Variants in ATP6V0E1 observed in about 807,000 individuals in gnomAD.
ATP6V0E1 encodes ATPase H+ transporting V0 subunit e1.
A neutral mutation model predicts 11.6 loss-of-function variants in ATP6V0E1; 4 were observed. That is an observed-to-expected ratio of 0.35 (90% CI 0.17 to 0.79). The LOEUF (loss-of-function observed/expected upper bound fraction) is 0.79, where lower values mean the gene tolerates loss of function less well. ATP6V0E1 is among the 30% of genes least tolerant of loss of function. The probability of loss-of-function intolerance (pLI) is 0.54; values close to 1 mark genes in which losing one functional copy is unlikely to be tolerated. For synonymous variants in ATP6V0E1, 36 were observed against 34.8 expected, an observed-to-expected ratio of 1.04 and a Z score of -0.13; for missense variants, 105 against 100.0, an observed-to-expected ratio of 1.05 and a Z score of -0.21.
At chr5:173,034,204 C>T (rs942995516) in intron 3 of ATP6V0E1, among the ~76,000 whole-genome samples, 195 bp from the exon 4 acceptor site, 14 of 152,204 alleles carry the variant, frequency 9.2e-5, no homozygotes, top group South Asian at 2.1e-4. Context: ...CAGCAGTGTC[C>T]TTGGTTACTG....
chr5:172,993,795 G>T (rs1430348521), intron 1 of ATP6V0E1, among the ~76,000 whole-genome samples: 1 of 150,946 alleles, frequency 6.6e-6, no homozygotes, highest in African/African-American at 2.4e-5. Flanking sequence ...CAGTTGAGCC[G>T]AGGAGTTGGA....
At chr5:172,998,815 G>A (rs1395779071) in intron 2 of ATP6V0E1, among the ~76,000 whole-genome samples, 1 of 152,066 alleles carries the variant, frequency 6.6e-6, no homozygotes, top group Non-Finnish European at 1.5e-5. Flanking sequence ...TCTGCAATGT[G>A]AGCAGTAAGG....
intron 1 of ATP6V0E1, among the ~76,000 whole-genome samples, chr5:172,992,975 T>C (rs766279468): frequency 3.3e-5 from 5 of 151,958 alleles, no homozygotes; most frequent in Non-Finnish European, 5.9e-5. Context: ...TTTTTTTGTA[T>C]TTTTAGTAGA....
chr5:173,001,379 G>C (rs547780825), intron 2 of ATP6V0E1, among the ~76,000 whole-genome samples: 1 of 152,202 alleles, frequency 6.6e-6, no homozygotes, highest in South Asian at 2.1e-4. Flanking sequence ...TATGACCTCA[G>C]AAGATTCCCC....
At chr5:172,995,501 A>G (rs1038520202) in intron 2 of ATP6V0E1, among the ~76,000 whole-genome samples, 23 of 152,228 alleles carry the variant, frequency 1.5e-4, no homozygotes, top group African/African-American at 5.5e-4. Context: ...TATCTGATGG[A>G]CAGAAATTGA....
At chr5:173,007,136 T>G (rs1470774181) in intron 2 of ATP6V0E1, among the ~76,000 whole-genome samples, 1 of 152,128 alleles carries the variant, frequency 6.6e-6, no homozygotes, top group Non-Finnish European at 1.5e-5. Flanking sequence ...GAAAACATGT[T>G]TATGACTTTT....
intron 3 of ATP6V0E1, among the ~76,000 whole-genome samples, chr5:173,023,156 C>T (rs113288426): frequency 3.3e-5 from 5 of 151,720 alleles, no homozygotes; most frequent in East Asian, 3.9e-4. Flanking sequence ...CGTGCCTGGC[C>T]GCAAATGATG....
chr5:173,008,588 C>T (rs1418780186), intron 2 of ATP6V0E1, among the ~76,000 whole-genome samples: 1 of 147,056 alleles, frequency 6.8e-6, no homozygotes, highest in African/African-American at 2.5e-5. Context: ...CGTGAGCCAC[C>T]GTGCCCAGCC....
chr5:172,993,114 TA>T (rs1756010646), intron 1 of ATP6V0E1, among the ~76,000 whole-genome samples: 1 of 152,194 alleles, frequency 6.6e-6, no homozygotes, highest in South Asian at 2.1e-4. Context: ...CAGTGGTTTT[TA>T]TCTGTTTTGT....
chr5:173,006,391 A>G (rs1183737265), intron 2 of ATP6V0E1, among the ~76,000 whole-genome samples: 1 of 151,808 alleles, frequency 6.6e-6, no homozygotes, highest in Admixed American at 6.6e-5. Context: ...CAGGTGGATC[A>G]TGAGGTCAGG....
At chr5:173,027,717 G>A (rs1053479896) in intron 3 of ATP6V0E1, among the ~76,000 whole-genome samples, 4 of 152,072 alleles carry the variant, frequency 2.6e-5, no homozygotes, top group Non-Finnish European at 5.9e-5. Context: ...GCTTCTCGAA[G>A]TGCTGGGATT....
At chr5:172,990,953 T>C (rs1406646843) in intron 1 of ATP6V0E1, among the ~76,000 whole-genome samples, 1 of 137,046 alleles carries the variant, frequency 7.3e-6, no homozygotes, top group Non-Finnish European at 1.7e-5. Flanking sequence ...CCTGTTTTTT[T>C]GTTTTGTTTT....
intron 1 of ATP6V0E1, among the ~76,000 whole-genome samples, chr5:172,989,708 A>G (rs1410570017): frequency 6.6e-6 from 1 of 151,822 alleles, no homozygotes; most frequent in African/African-American, 2.4e-5. Flanking sequence ...TGTATTTTTT[A>G]GTAGAGATGG....
intron 3 of ATP6V0E1, among the ~76,000 whole-genome samples, chr5:173,029,361 C>G (rs543057217): frequency 1.3e-5 from 2 of 152,116 alleles, no homozygotes; most frequent in Non-Finnish European, 2.9e-5. Context: ...CATAGTTTTC[C>G]TTGTCAGGGT....
intron 2 of ATP6V0E1, among the ~76,000 whole-genome samples, chr5:172,996,052 C>T (rs1192681879): frequency 2.0e-5 from 3 of 152,182 alleles, no homozygotes; most frequent in Non-Finnish European, 4.4e-5. Flanking sequence ...TAGGAAGCAA[C>T]AGTTCTGACC....
intron 3 of ATP6V0E1, among the ~76,000 whole-genome samples, chr5:173,034,004 C>A (rs184092522): frequency 3.3e-5 from 5 of 152,334 alleles, no homozygotes; most frequent in Admixed American, 3.3e-4. Context: ...GGAGCCCGCT[C>A]CCCAGGAGCC....
chr5:173,024,742 G>T (rs1475988572), intron 3 of ATP6V0E1, among the ~76,000 whole-genome samples: 2 of 151,782 alleles, frequency 1.3e-5, no homozygotes, highest in Non-Finnish European at 2.9e-5. Flanking sequence ...GAACCAGGAA[G>T]TAATGTATTT....
At chr5:173,028,196 A>G (rs902153715) in intron 3 of ATP6V0E1, among the ~76,000 whole-genome samples, 17 of 152,312 alleles carry the variant, frequency 1.1e-4, no homozygotes, top group African/African-American at 3.1e-4. Context: ...TGTCATGCCT[A>G]TTCTGCATTT....
chr5:173,000,833 T>C (rs1756140530), intron 2 of ATP6V0E1, among the ~76,000 whole-genome samples: 1 of 151,740 alleles, frequency 6.6e-6, no homozygotes, highest in Admixed American at 6.6e-5. Context: ...CCTGAGTAGG[T>C]GGGACTACAG....
Sources: gnomAD v4.1 joint callset for allele counts (sites outside exome capture counted in the v4.1 genomes callset) on GRCh38, gnomAD v4.1.1 for gene constraint, MANE v1.5 for transcripts, NCBI Gene and HGNC (gene_info 2026-07-23, HGNC 2026-07-21) for gene names.